Variants in ST7L observed in about 807,000 individuals in gnomAD.
ST7L encodes suppressor of tumorigenicity 7 protein-like.
In ST7L, 57 loss-of-function variants were observed where a neutral mutation model predicts 72.5. That is an observed-to-expected ratio of 0.79 (90% CI 0.64 to 0.98). ST7L has a LOEUF of 0.98. ST7L is among the 50% of genes least tolerant of loss of function. The pLI is 0.00. For missense variants in ST7L, 576 were observed against 672.2 expected (o/e 0.86, Z 1.58); for synonymous variants, 221 against 240.9 (o/e 0.92, Z 0.77).
At chr1:112,544,690 T>G (rs560431136) in intron 13 of ST7L, among the ~76,000 whole-genome samples, 1 of 152,390 alleles carries the variant, frequency 6.6e-6, no homozygotes, top group East Asian at 1.9e-4. Context: ...AACTTTAATT[T>G]ATATTAGCTC....
chr1:112,549,563 T>C (rs74454738), intron 13 of ST7L, among the ~76,000 whole-genome samples: 2,012 of 152,286 alleles, frequency 0.013, 57 homozygotes, highest in African/African-American at 0.046. Flanking sequence ...TGATTGCTAT[T>C]GTTTTCTAAA....
At position 112,550,713 on chromosome 1, in the gene ST7L, T is replaced by G. The variant is rs747620272; in HGVS notation, c.1397-20A>C. The G allele has an allele frequency of 1.1e-5, 18 of 1,578,114 alleles. No homozygotes were observed. Among genetic ancestry groups the G allele is most frequent in the Non-Finnish European group, 1.4e-5 (16 of 1,149,444 alleles). On this transcript the variant is annotated intron_variant, in intron 12 of 14. Transcript: ENST00000358039. ...TAAAAGCTGAGGAAAAAAAAGCATG[T>G]GTTGATACTCAATTCTGTCTCATTT...
chr1:112,615,925 C>T (rs565288151), intron 2 of ST7L, among the ~76,000 whole-genome samples: 6 of 152,102 alleles, frequency 3.9e-5, no homozygotes, highest in Admixed American at 2.0e-4. Flanking sequence ...TTTTAGTAGA[C>T]GGAGTTTCAT....
chr1:112,611,876 G>C (rs951601539), intron 2 of ST7L, among the ~76,000 whole-genome samples: 2 of 150,924 alleles, frequency 1.3e-5, no homozygotes, highest in African/African-American at 4.9e-5. Flanking sequence ...AGTTGAAGTG[G>C]GAGGATCTCT....
intron 13 of ST7L, among the ~76,000 whole-genome samples, chr1:112,543,443 G>A (rs1471587435): frequency 1.3e-5 from 2 of 152,170 alleles, no homozygotes; most frequent in Non-Finnish European, 2.9e-5. Flanking sequence ...AGCTACTCAG[G>A]AAGGCTGAGC....
intron 11 of ST7L, among the ~76,000 whole-genome samples, chr1:112,569,927 C>A: frequency 7.4e-6 from 1 of 135,260 alleles, no homozygotes. Flanking sequence ...CACTGCATTC[C>A]AGCCTGGATG....
At chr1:112,556,157 A>G (rs1373011587) in intron 11 of ST7L, 139 bp from the exon 12 acceptor site, 13 of 584,196 alleles carry the variant, frequency 2.2e-5, no homozygotes, top group Non-Finnish European at 3.2e-5. Context: ...AACTGAAATG[A>G]CATGAAGATA....
chr1:112,561,378 CAAAAAAAAAAA>C (rs33953697), intron 11 of ST7L, among the ~76,000 whole-genome samples: 2 of 90,574 alleles, frequency 2.2e-5, no homozygotes, highest in African/African-American at 7.4e-5. Context: ...CTCCCTGCCT[CAAAAAAAAAAA>C]AAAAAAAAGA....
At chr1:112,545,828 A>C (rs1221761951) in intron 13 of ST7L, among the ~76,000 whole-genome samples, 2 of 152,080 alleles carry the variant, frequency 1.3e-5, no homozygotes, top group African/African-American at 2.4e-5. Context: ...AGTTTTCCTT[A>C]GTGATTTCAT....
intron 11 of ST7L, among the ~76,000 whole-genome samples, chr1:112,566,297 C>T (rs650340): frequency 0.57 from 60,741 of 105,694 alleles, 18,371 homozygotes; most frequent in African/African-American, 0.74. Context: ...TCTTCTTCTT[C>T]TTTTTTTTTT....
chr1:112,546,251 C>T (rs113521233), intron 13 of ST7L, among the ~76,000 whole-genome samples: 2 of 144,070 alleles, frequency 1.4e-5, no homozygotes, highest in South Asian at 2.2e-4. Flanking sequence ...CCTGAGAAGT[C>T]GAAGCTGCAG....
intron 6 of ST7L, 99 bp from the exon 7 acceptor site, chr1:112,584,225 A>G (rs1664538968): frequency 1.7e-6 from 2 of 1,208,008 alleles, no homozygotes; most frequent in African/African-American, 1.6e-5. Context: ...CCTTACCTAC[A>G]CTTTTTCCAT....
At chr1:112,557,227 A>G (rs1024106087) in intron 11 of ST7L, among the ~76,000 whole-genome samples, 10 of 152,094 alleles carry the variant, frequency 6.6e-5, no homozygotes, top group Non-Finnish European at 1.2e-4. Context: ...AAAATCCTGT[A>G]CCCTTTAGTT....
intron 11 of ST7L, among the ~76,000 whole-genome samples, chr1:112,574,208 C>T (rs1187044843): frequency 2.6e-4 from 38 of 145,174 alleles, no homozygotes; most frequent in Non-Finnish European, 4.7e-4. Context: ...TGAGCCACTG[C>T]GCCCGGACTT....
At chr1:112,555,339 G>A (rs1279873734) in intron 12 of ST7L, among the ~76,000 whole-genome samples, 1 of 152,104 alleles carries the variant, frequency 6.6e-6, no homozygotes, top group African/African-American at 2.4e-5. Context: ...GCAGAGGTGG[G>A]CGGATCACGA....
chr1:112,541,933 C>T lies in ST7L; in HGVS notation c.1629+18G>A. 1 of 1,612,026 alleles carries T rather than the reference C, an allele frequency of 6.2e-7. No individual in the cohort carries two copies. The highest frequency in any genetic ancestry group is 8.5e-7 in the Non-Finnish European group (1 of 1,179,346). On this transcript the variant is annotated intron_variant, in intron 14 of 14. Transcript: ENST00000358039. ...TGTTTTACAAATAATCTACACAAGTCCTTGAGATCATACTTACAGCTTTAG... is the reference window on the plus strand; with the variant it reads ...TGTTTTACAAATAATCTACACAAGTTCTTGAGATCATACTTACAGCTTTAG...
chr1:112,577,456 G>C (rs1663302658), intron 10 of ST7L, among the ~76,000 whole-genome samples: 1 of 150,172 alleles, frequency 6.7e-6, no homozygotes, highest in Admixed American at 6.6e-5. Context: ...CTTGTACCCG[G>C]GAGGCAGAGG....
At chr1:112,605,551 G>A (rs1453832695) in intron 3 of ST7L, among the ~76,000 whole-genome samples, 3 of 151,272 alleles carry the variant, frequency 2.0e-5, no homozygotes, top group South Asian at 2.1e-4. Context: ...TTAGCCAGGC[G>A]TGGTGGCGCA....
chr1:112,578,354 A>G lies in ST7L; in HGVS notation c.1133T>C (p.Val378Ala). ...YTAALLKTRTVSEKFSPETAS... is the reference protein window; with the variant it reads ...YTAALLKTRTASEKFSPETAS... The stretch of plus-strand genomic sequence containing the variant: ...TTTTTATAACACGTACTTTTCTGAA[A>G]CAGTCCTTGTCTTCAACAGTGCTGC... Residue 378 changes from valine (V) to alanine (A), a missense_variant, in exon 10 of 15, where the codon GTT becomes GCT. Val to Ala is a moderately conservative substitution (Grantham distance 64, BLOSUM62 0). Around this residue, in one of 3 missense-constraint regions of ST7L, gnomAD observed 511 missense variants for 600.7 expected, o/e 0.85. Transcript: ENST00000358039. 6.2e-7 allele frequency: 1 copy of G among 1,614,064 alleles called. No homozygotes were observed. Among genetic ancestry groups the G allele is most frequent in the Non-Finnish European group, 8.5e-7 (1 of 1,179,924 alleles).
Sources: allele counts gnomAD v4.1 joint callset (sites outside exome capture counted in the v4.1 genomes callset), GRCh38; gene constraint gnomAD v4.1.1; regional missense constraint gnomAD v4.1.1; transcripts MANE v1.5; gene names NCBI Gene and HGNC (gene_info 2026-07-23, HGNC 2026-07-21).